ZFP64: variants seen among roughly 807,000 people sequenced by gnomAD.
ZFP64 encodes the protein zinc finger protein 64.
Under a neutral mutation model 51.6 loss-of-function variants are expected in ZFP64, and 14 were observed. That is an observed-to-expected ratio of 0.27 (90% CI 0.18 to 0.42). The LOEUF (loss-of-function observed/expected upper bound fraction) is 0.42. ZFP64 is among the 10% of genes least tolerant of loss of function. The pLI is 1.00. For synonymous variants in ZFP64, 375 were observed against 361.4 expected (o/e 1.04, Z -0.43); for missense variants, 754 against 906.8 (o/e 0.83, Z 2.16).
chr20:52,084,833 G>T lies in ZFP64; in HGVS notation c.1662C>A (p.Asn554Lys), dbSNP rs751736466. 5.0e-6 allele frequency: 8 copies of T among 1,614,102 alleles called. No homozygotes were observed. Among genetic ancestry groups the T allele is most frequent in the Non-Finnish European group, 6.8e-6 (8 of 1,180,050 alleles). Residue 554 changes from asparagine to lysine, a missense_variant, in exon 9 of 9, where the codon AAC becomes AAA. Coordinates refer to the ZFP64 transcript ENST00000361387. ...GCCCTTCCTTGCCCAGAGGGGCCCGGTTCTCCGTCTTGGCCTCGTCCCTGT... is the reference window on the plus strand; with the variant it reads ...GCCCTTCCTTGCCCAGAGGGGCCCGTTTCTCCGTCTTGGCCTCGTCCCTGT...
At chr20:52,126,730 TA>T (rs1421062123) in intron 5 of ZFP64, among the ~76,000 whole-genome samples, 1 of 152,202 alleles carries the variant, frequency 6.6e-6, no homozygotes, top group Non-Finnish European at 1.5e-5. Flanking sequence ...TAAAGTCTCA[TA>T]AAAGCTTAGG....
At chr20:52,187,904 C>G (rs1480365182) in intron 1 of ZFP64, among the ~76,000 whole-genome samples, 5 of 152,154 alleles carry the variant, frequency 3.3e-5, no homozygotes, top group Non-Finnish European at 7.3e-5. Context: ...ACTGATCCTC[C>G]CGCACATTTC....
chr20:52,184,814 G>C (rs1983845797), intron 2 of ZFP64, among the ~76,000 whole-genome samples: 1 of 151,944 alleles, frequency 6.6e-6, no homozygotes, highest in Non-Finnish European at 1.5e-5. Flanking sequence ...TTAATGTAGA[G>C]GTGGGGTCTT....
exon 9 of ZFP64, chr20:52,084,370 T>C: frequency 5.0e-6 from 3 of 600,990 alleles, no homozygotes; most frequent in Non-Finnish European, 5.8e-6. Flanking sequence ...GAGGAGTGTC[T>C]CCACAGCCCT....
intron 5 of ZFP64, among the ~76,000 whole-genome samples, chr20:52,154,047 T>A (rs1981107569): frequency 6.6e-6 from 1 of 152,156 alleles, no homozygotes; most frequent in Non-Finnish European, 1.5e-5. Context: ...TTAAAAAAAA[T>A]TCATATTCGC....
chr20:52,166,269 C>A (rs1243041434), intron 2 of ZFP64, among the ~76,000 whole-genome samples: 1 of 151,890 alleles, frequency 6.6e-6, no homozygotes, highest in African/African-American at 2.4e-5. Flanking sequence ...GTGGGCAGGG[C>A]AGATGGTAAA....
rs1388281392 is a variant in ZFP64, at chr20:52,153,256, C to T, written c.936G>A (p.Gly312=). The change falls in exon 6 of 6, where the codon GGG becomes GGA. Residue 312 remains glycine (G), a synonymous_variant. Coordinates refer to ENST00000216923, the MANE Select transcript of ZFP64 (RefSeq NM_018197.3). The surrounding 1 kb of genome is among the most constrained non-coding windows in gnomAD (Gnocchi z 5.1). ...CGCAATGAGGACACTTGAAGTTATT[C>T]CCGCTGTGCTTGATACGGATGTGCG... is the stretch of plus-strand genomic sequence containing the variant. ...LKSHIRIKHS[G]NNFKCPHCDF... 2 of 1,614,104 alleles carry T rather than the reference C, an allele frequency of 1.2e-6. No homozygotes were observed. The highest frequency in any genetic ancestry group is 2.2e-5 in the East Asian group (1 of 44,894).
At chr20:52,176,504 TC>T (rs1983223616) in intron 2 of ZFP64, among the ~76,000 whole-genome samples, 1 of 146,168 alleles carries the variant, frequency 6.8e-6, no homozygotes, top group African/African-American at 2.6e-5. Flanking sequence ...GTTCAATCTC[TC>T]TTTTTTTTTT....
downstream of ZFP64, among the ~76,000 whole-genome samples, chr20:52,150,053 A>G (rs1980715285): frequency 6.6e-6 from 1 of 151,998 alleles, no homozygotes; most frequent in Non-Finnish European, 1.5e-5. Flanking sequence ...AAAATACAAA[A>G]AATTAGCCGG....
Position 52,191,572 on chromosome 20 carries a change from C to T in ZFP64, c.46+19G>A, listed in dbSNP as rs745724455. The T allele has an allele frequency of 1.7e-5, 26 of 1,571,658 alleles. No homozygotes were observed. The highest frequency in any genetic ancestry group is 2.1e-5 in the Non-Finnish European group (25 of 1,163,226). Reference sequence around the variant, plus strand: ...GCACTGGGCCCCGGAGCGCGCACTGCTCCCGGAAAAGCACTTACTTTGCAC... The same window carrying T: ...GCACTGGGCCCCGGAGCGCGCACTGTTCCCGGAAAAGCACTTACTTTGCAC... On this transcript the variant is annotated intron_variant, in intron 1 of 5. Transcript: ENST00000216923. This position sits in a 1 kb window ranked among gnomAD's most constrained non-coding sequence, Gnocchi z 4.3.
chr20:52,089,740 C>CA (rs35524410), intron 7 of ZFP64, among the ~76,000 whole-genome samples: 21,765 of 131,018 alleles, frequency 0.17, 2,068 homozygotes, highest in East Asian at 0.43. Context: ...GACACTGTCT[C>CA]AAAAAAAAAA....
At chr20:52,125,332 G>A (rs182173606) in intron 5 of ZFP64, among the ~76,000 whole-genome samples, 1 of 152,174 alleles carries the variant, frequency 6.6e-6, no homozygotes, top group South Asian at 2.1e-4. Context: ...GCCAGGCTCA[G>A]GTGATGGGCA....
intron 8 of ZFP64, among the ~76,000 whole-genome samples, chr20:52,087,147 A>C (rs2078873540): frequency 6.6e-6 from 1 of 152,208 alleles, no homozygotes; most frequent in Non-Finnish European, 1.5e-5. Context: ...ATATTTCTAG[A>C]TATAGATGTC....
chr20:52,140,517 C>T (rs2122909605), intron 5 of ZFP64, among the ~76,000 whole-genome samples: 1 of 152,348 alleles, frequency 6.6e-6, no homozygotes, highest in East Asian at 1.9e-4. Flanking sequence ...ACATTGTCTT[C>T]AGCCAAAGCC....
chr20:52,117,218 T>A (rs552853724), intron 5 of ZFP64, among the ~76,000 whole-genome samples: 2 of 152,318 alleles, frequency 1.3e-5, no homozygotes, highest in Admixed American at 1.3e-4. Context: ...CTTCTATAGT[T>A]TAAAATGATC....
downstream of ZFP64, among the ~76,000 whole-genome samples, chr20:52,150,069 G>T (rs1157526604): frequency 1.3e-5 from 2 of 151,954 alleles, no homozygotes; most frequent in Non-Finnish European, 1.5e-5. Flanking sequence ...GCCGGACTTG[G>T]TTGCGGGTGC....
At chr20:52,095,046 G>A (rs2078973703) in intron 7 of ZFP64, among the ~76,000 whole-genome samples, 1 of 152,236 alleles carries the variant, frequency 6.6e-6, no homozygotes, top group Admixed American at 6.5e-5. Flanking sequence ...AAGTCAGAAA[G>A]AGAAAGCTTA....
Position 52,144,405 on chromosome 20 carries a change from C to T in ZFP64, c.763+15718G>A, listed in dbSNP as rs1019883776. On this transcript the variant is annotated intron_variant, in intron 5 of 8. Coordinates refer to the ZFP64 transcript ENST00000361387. ...CTATCCTGGTCAACATGGTGAAACC[C>T]CGTCTCTACAAAATATACAAAAAAA... 1.1e-4 allele frequency among the ~76,000 whole-genome samples: 16 copies of T among 147,084 alleles called. 1 individual carries two copies. Among genetic ancestry groups the T allele is most frequent in the African/African-American group, 3.0e-4 (12 of 40,332 alleles).
At chr20:52,149,913 A>G (rs953157239), downstream of ZFP64, among the ~76,000 whole-genome samples, 2 of 152,220 alleles carry the variant, frequency 1.3e-5, no homozygotes, top group Non-Finnish European at 2.9e-5. Flanking sequence ...TAAGCATAAA[A>G]AAAGATTGAT....
Sources: allele counts gnomAD v4.1 joint callset (sites outside exome capture counted in the v4.1 genomes callset), GRCh38; gene constraint gnomAD v4.1.1; non-coding constraint Gnocchi (gnomAD v3.1); transcripts MANE v1.5; gene names NCBI Gene and HGNC (gene_info 2026-07-23, HGNC 2026-07-21).